FBXL7: variants seen among roughly 807,000 people sequenced by gnomAD.
The protein encoded by FBXL7 is F-box and leucine rich repeat protein 7, also known as F-box/LRR-repeat protein 7.
FBXL7 carries 12 observed loss-of-function variants against 38.3 expected under a neutral mutation model. That is an observed-to-expected ratio of 0.31 (90% CI 0.20 to 0.51). The LOEUF is 0.51. Among genes scored for constraint, FBXL7 ranks in the 20% least tolerant of loss-of-function variants. FBXL7 has a pLI of 0.98. For synonymous variants in FBXL7, 297 were observed against 300.9 expected (o/e 0.99, Z 0.13); for missense variants, 567 against 676.4 (o/e 0.84, Z 1.79).
chr5:15,880,739 A>ATATG lies in FBXL7; in HGVS notation c.128-47151_128-47150insTATG, dbSNP rs10693044. Reference sequence around the variant, plus strand: ...TACTATATTATATATATATATATATAAAGTAATATATACTTAGTAAAATAA... The same window carrying ATATG: ...TACTATATTATATATATATATATATATATGAAGTAATATATACTTAGTAAAATAA... On this transcript the variant is annotated intron_variant, in intron 2 of 3. Transcript: ENST00000504595. Among the ~76,000 whole-genome samples, 4 of 146,860 alleles carry ATATG rather than the reference A, an allele frequency of 2.7e-5. No individual in the cohort carries two copies. The Admixed American group carries it at 2.7e-4, about 10-fold the overall frequency.
intron 2 of FBXL7, among the ~76,000 whole-genome samples, chr5:15,741,645 G>T (rs531911310): frequency 6.6e-6 from 1 of 152,148 alleles, no homozygotes; most frequent in Non-Finnish European, 1.5e-5. Flanking sequence ...TGGTTTGTGT[G>T]TTCTCAGAGG....
At chr5:15,807,683 CT>C (rs34248054) in intron 2 of FBXL7, among the ~76,000 whole-genome samples, 44 of 148,474 alleles carry the variant, frequency 3.0e-4, no homozygotes, top group Admixed American at 6.0e-4. Flanking sequence ...TTTTTCTTTT[CT>C]TTTTTTTTTT....
At chr5:15,903,223 C>T (rs1033755720) in intron 2 of FBXL7, among the ~76,000 whole-genome samples, 2 of 152,206 alleles carry the variant, frequency 1.3e-5, no homozygotes, top group Non-Finnish European at 2.9e-5. Context: ...AGACTCTCAA[C>T]TCTTTCACTG....
Position 15,641,941 on chromosome 5 carries a change from T to TTGTGTG in FBXL7, c.127+25909_127+25914dup, listed in dbSNP as rs199980981. ...GTATATGGTAACTTAACATAAAACC[T>TTGTGTG]TGTGTGTGTGTGTGTGTGTGTGTGT... On this transcript the variant is annotated intron_variant, in intron 2 of 3. Transcript: ENST00000504595. Among the ~76,000 whole-genome samples the TTGTGTG allele has an allele frequency of 6.6e-3, 935 of 141,594 alleles. 8 individuals carry two copies. Among genetic ancestry groups the TTGTGTG allele is most frequent in the Middle Eastern group, 0.018 (5 of 272 alleles). 92.9% of individuals were successfully genotyped at this position (141,594 alleles called of 152,430 possible).
At chr5:15,863,835 C>T (rs1462614605) in intron 2 of FBXL7, among the ~76,000 whole-genome samples, 1 of 152,194 alleles carries the variant, frequency 6.6e-6, no homozygotes, top group African/African-American at 2.4e-5. Flanking sequence ...TCTGCCCATG[C>T]AGGGTCCTCC....
intron 1 of FBXL7, among the ~76,000 whole-genome samples, chr5:15,538,156 G>A (rs1737639805): frequency 6.6e-6 from 1 of 152,132 alleles, no homozygotes; most frequent in Non-Finnish European, 1.5e-5. Context: ...CATTCTAAGG[G>A]GGTAGTGGAG....
chr5:15,632,222 C>G (rs1332480433), intron 2 of FBXL7, among the ~76,000 whole-genome samples: 1 of 152,110 alleles, frequency 6.6e-6, no homozygotes, highest in Non-Finnish European at 1.5e-5. Flanking sequence ...CTTTATTATA[C>G]CTTACAACTA....
intron 2 of FBXL7, among the ~76,000 whole-genome samples, chr5:15,905,414 C>A (rs1741332125): frequency 6.6e-6 from 1 of 152,072 alleles, no homozygotes. Context: ...AGTGAGGAAT[C>A]CTTTTTAAGA....
chr5:15,646,477 A>G (rs1277542135), intron 2 of FBXL7, among the ~76,000 whole-genome samples: 2 of 152,234 alleles, frequency 1.3e-5, no homozygotes. Flanking sequence ...AGCTGGAACC[A>G]GGCTTGAAAA....
intron 1 of FBXL7, among the ~76,000 whole-genome samples, chr5:15,511,771 A>G (rs1736803525): frequency 6.6e-6 from 1 of 152,164 alleles, no homozygotes; most frequent in Non-Finnish European, 1.5e-5. Flanking sequence ...GAAAATAGGG[A>G]CCTGCAAAGA....
At chr5:15,814,217 C>G (rs1166114076) in intron 2 of FBXL7, among the ~76,000 whole-genome samples, 2 of 152,116 alleles carry the variant, frequency 1.3e-5, no homozygotes, top group Non-Finnish European at 2.9e-5. Context: ...GAAAATGTGG[C>G]ACATATACAC....
At chr5:15,914,831 G>A (rs1029301873) in intron 2 of FBXL7, among the ~76,000 whole-genome samples, 3 of 152,162 alleles carry the variant, frequency 2.0e-5, no homozygotes, top group Admixed American at 1.3e-4. Flanking sequence ...TAAGACTCTG[G>A]ACTGACTCAG....
chr5:15,745,922 A>C lies in FBXL7; in HGVS notation c.127+129850A>C, dbSNP rs141005913. ...TGGCTGCTGTGGAAGAGAGACTCTC[A>C]TGGTCAAGCTTAGCAGCAGGGAGAA... On this transcript the variant is annotated intron_variant, in intron 2 of 3. Coordinates refer to ENST00000504595, the MANE Select transcript of FBXL7 (RefSeq NM_012304.5). 1.2e-3 allele frequency among the ~76,000 whole-genome samples: 181 copies of C among 152,338 alleles called. 3 individuals are homozygous for C. In the East Asian group the frequency reaches 0.03, roughly 25 times the overall value.
At chr5:15,547,564 GTGAGC>G (rs2126417017) in intron 1 of FBXL7, among the ~76,000 whole-genome samples, 1 of 152,324 alleles carries the variant, frequency 6.6e-6, no homozygotes, top group African/African-American at 2.4e-5. Flanking sequence ...GGGATTCATT[GTGAGC>G]TGGTTGCTCC....
chr5:15,589,770 C>T (rs1739414208), intron 1 of FBXL7, among the ~76,000 whole-genome samples: 1 of 151,964 alleles, frequency 6.6e-6, no homozygotes, highest in Non-Finnish European at 1.5e-5. Flanking sequence ...TTCTGGATTC[C>T]CCTGTTGGTT....
chr5:15,512,187 T>G (rs1436353472), intron 1 of FBXL7, among the ~76,000 whole-genome samples: 2 of 152,224 alleles, frequency 1.3e-5, no homozygotes, highest in Non-Finnish European at 2.9e-5. Flanking sequence ...AGTGTTTAGG[T>G]CCTGGGGTAA....
chr5:15,841,156 ACTT>A (rs754884031), intron 2 of FBXL7, among the ~76,000 whole-genome samples: 82 of 151,786 alleles, frequency 5.4e-4, no homozygotes, highest in African/African-American at 1.9e-3. Context: ...TATACTATTA[ACTT>A]CTTTTTTTCT....
rs1340987225 is a variant in FBXL7 at position 15,876,304 on chromosome 5, C to T, written c.128-51586C>T. 4.0e-5 allele frequency among the ~76,000 whole-genome samples: 6 copies of T among 151,840 alleles called. 1 individual carries two copies. Among genetic ancestry groups the T allele is most frequent in the East Asian group, 1.9e-4 (1 of 5,154 alleles). ...TAGGAGAAATACCTAATGTAGATGA[C>T]GGGTTGATGGGTGCAGCAAACCACC... On this transcript the variant is annotated intron_variant, in intron 2 of 3. Transcript: ENST00000504595.
At chr5:15,683,027 A>G (rs571743769) in intron 2 of FBXL7, among the ~76,000 whole-genome samples, 222 of 152,336 alleles carry the variant, frequency 1.5e-3, no homozygotes, top group African/African-American at 5.3e-3. Context: ...TACAAAAGCT[A>G]AGGGAAGGTG....
Sources: gnomAD v4.1 joint callset for allele counts (sites outside exome capture counted in the v4.1 genomes callset) on GRCh38, gnomAD v4.1.1 for gene constraint, MANE v1.5 for transcripts, NCBI Gene and HGNC (gene_info 2026-07-23, HGNC 2026-07-21) for gene names.